IL34: variants seen among roughly 807,000 people sequenced by gnomAD.
IL34 encodes the protein interleukin-34.
In IL34, 17 loss-of-function variants were observed where a neutral mutation model predicts 25.3. That is an observed-to-expected ratio of 0.67 (90% confidence interval 0.46 to 1.01). The LOEUF is 1.01. IL34 is among the 50% of genes least tolerant of loss of function. The probability of loss-of-function intolerance (pLI) is 0.00; values close to 1 mark genes in which losing one functional copy is unlikely to be tolerated. For synonymous variants in IL34, 174 were observed against 140.9 expected (o/e 1.23, Z -1.66); for missense variants, 368 against 312.9 (o/e 1.18, Z -1.33).
chr16:70,644,302 C>G (rs1389621213), upstream of IL34, among the ~76,000 whole-genome samples: 2 of 151,986 alleles, frequency 1.3e-5, no homozygotes, highest in African/African-American at 2.4e-5. Context: ...TCTGCCTCAA[C>G]TGATTCACCC....
intron 1 of IL34, among the ~76,000 whole-genome samples, chr16:70,626,045 A>G (rs2051386786): frequency 6.6e-6 from 1 of 152,232 alleles, no homozygotes; most frequent in Non-Finnish European, 1.5e-5. Context: ...AGACCACCAC[A>G]CAGGCTTTGT....
At chr16:70,623,948 C>T (rs914186331) in intron 1 of IL34, among the ~76,000 whole-genome samples, 1 of 122,384 alleles carries the variant, frequency 8.2e-6, no homozygotes, top group Non-Finnish European at 1.8e-5. Flanking sequence ...GGGTAGCCTC[C>T]GTATTGATTA....
At chr16:70,628,403 G>A (rs1344776172) in intron 1 of IL34, among the ~76,000 whole-genome samples, 1 of 151,756 alleles carries the variant, frequency 6.6e-6, no homozygotes, top group East Asian at 1.9e-4. Flanking sequence ...TTTATTTCTA[G>A]GTATTTTACA....
At chr16:70,599,110 G>C (rs528930879) in intron 1 of IL34, among the ~76,000 whole-genome samples, 119 of 152,364 alleles carry the variant, frequency 7.8e-4, no homozygotes, top group Non-Finnish European at 9.8e-4. Flanking sequence ...TGGGGGTCAA[G>C]TGCTCTATCC....
At chr16:70,621,886 C>A (rs2151838474) in intron 1 of IL34, among the ~76,000 whole-genome samples, 1 of 151,922 alleles carries the variant, frequency 6.6e-6, no homozygotes, top group South Asian at 2.1e-4. Context: ...GTAATGTCAT[C>A]AGTTAAGGCA....
chr16:70,659,365 A>G (rs2052321228), intron 4 of IL34, among the ~76,000 whole-genome samples: 1 of 152,116 alleles, frequency 6.6e-6, no homozygotes. Context: ...GTCCTGGTCT[A>G]CGCCCTTTAC....
At chr16:70,598,334 T>A (rs142246326) in intron 1 of IL34, among the ~76,000 whole-genome samples, 6 of 152,240 alleles carry the variant, frequency 3.9e-5, no homozygotes, top group Non-Finnish European at 8.8e-5. Context: ...AGCTTTTGCC[T>A]CCAGTTCACC....
rs751162222 is a variant in IL34 at position 70,656,647 on chromosome 16, G to C, written c.208G>C (p.Gly70Arg). 6.8e-7 allele frequency: 1 copy of C among 1,469,050 alleles called. No homozygotes were observed. The allele number at this position is 1,469,050 out of a possible 1,614,324, so 91.0% of individuals were successfully genotyped here. ...CTACAAGATCAGTGTGCCTTACGAG[G>C]GGGTGTTCAGAATCGCCAACGTCAC... ...INYKISVPYE[G>R]VFRIANVTRL... The change falls in exon 3 of 6, where the codon GGG becomes CGG. Residue 70 changes from glycine to arginine, a missense_variant. Gly to Arg is a moderately radical substitution (Grantham distance 125). Transcript: ENST00000288098.
At chr16:70,641,442 A>T (rs2051780133) in intron 1 of IL34, among the ~76,000 whole-genome samples, 2 of 152,306 alleles carry the variant, frequency 1.3e-5, no homozygotes, top group South Asian at 4.1e-4. Flanking sequence ...CACCTCAATA[A>T]GCCTGACTTT....
intron 1 of IL34, among the ~76,000 whole-genome samples, chr16:70,626,703 T>A (rs1190469161): frequency 6.6e-6 from 1 of 151,766 alleles, no homozygotes; most frequent in African/African-American, 2.4e-5. Context: ...GCCAAAAACA[T>A]GATGTCTCCT....
intron 2 of IL34, among the ~76,000 whole-genome samples, chr16:70,656,059 G>A (rs148883264): frequency 1.4e-4 from 22 of 152,298 alleles, no homozygotes; most frequent in South Asian, 4.1e-4. Flanking sequence ...TTGAAGTAAC[G>A]TGTCCTCACT....
chr16:70,620,614 T>C (rs1386611460), intron 1 of IL34, among the ~76,000 whole-genome samples: 2 of 151,628 alleles, frequency 1.3e-5, no homozygotes, highest in Non-Finnish European at 2.9e-5. Flanking sequence ...AGAAGGAAGA[T>C]TTGGTACGAG....
intron 1 of IL34, among the ~76,000 whole-genome samples, chr16:70,599,510 A>G (rs1208789722): frequency 6.7e-6 from 1 of 149,878 alleles, no homozygotes; most frequent in Non-Finnish European, 1.5e-5. Context: ...GCGTGTGCCA[A>G]CACGCCCAGT....
At chr16:70,657,344 G>A (rs1374840570) in intron 4 of IL34, 3 of 554,484 alleles carry the variant, frequency 5.4e-6, no homozygotes, top group Admixed American at 3.3e-5. Flanking sequence ...GGGTGCAGGC[G>A]ATGCCTCTGA....
At chr16:70,626,587 G>A (rs1485334110) in intron 1 of IL34, among the ~76,000 whole-genome samples, 2 of 151,886 alleles carry the variant, frequency 1.3e-5, no homozygotes, top group African/African-American at 2.4e-5. Context: ...GTGGAGATGG[G>A]GTTTCACCAT....
chr16:70,589,045 A>G (rs993505462), intron 1 of IL34, among the ~76,000 whole-genome samples: 1 of 152,084 alleles, frequency 6.6e-6, no homozygotes, highest in African/African-American at 2.4e-5. Flanking sequence ...GGTGGCAAAA[A>G]TGCTAGCTGA....
chr16:70,620,449 T>G lies in IL34; in HGVS notation c.-400-26099T>G, dbSNP rs957299508. Among the ~76,000 whole-genome samples the G allele has an allele frequency of 3.7e-5, 3 of 81,598 alleles. No individual in the cohort carries two copies. The African/African-American group carries it at 4.5e-4, about 12-fold the overall frequency. 53.5% of individuals were successfully genotyped at this position (81,598 alleles called of 152,430 possible). A position where few individuals can be genotyped will look rare whatever the true frequency, so the allele number is the denominator to read the frequency against. ...CACCAGGTGTGAGGAGGGGAGGTGATAAAAAGATAGGGTGGAGGAGCGGAG... is the reference window on the plus strand; with the variant it reads ...CACCAGGTGTGAGGAGGGGAGGTGAGAAAAAGATAGGGTGGAGGAGCGGAG... On this transcript the variant is annotated intron_variant, in intron 1 of 6. Coordinates refer to the IL34 transcript ENST00000429149.
chr16:70,594,943 C>CT (rs2050799351), intron 1 of IL34, among the ~76,000 whole-genome samples: 1 of 147,720 alleles, frequency 6.8e-6, no homozygotes, highest in Non-Finnish European at 1.5e-5. Flanking sequence ...TTATCTCTCT[C>CT]TCTCTCTCTC....
At chr16:70,599,710 T>C (rs1487904614) in intron 1 of IL34, among the ~76,000 whole-genome samples, 5 of 151,184 alleles carry the variant, frequency 3.3e-5, no homozygotes. Context: ...GGTCTTGCTT[T>C]GTCGCCCAGG....
Sources: gnomAD v4.1 joint callset for allele counts (sites outside exome capture counted in the v4.1 genomes callset) on GRCh38, gnomAD v4.1.1 for gene constraint, MANE v1.5 for transcripts, NCBI Gene and HGNC (gene_info 2026-07-23, HGNC 2026-07-21) for gene names.